HKDC1: variants seen among roughly 807,000 people sequenced by gnomAD.
HKDC1 encodes hexokinase domain containing 1.
In HKDC1, 66 loss-of-function variants were observed where a neutral mutation model predicts 96.6. That is an observed-to-expected ratio of 0.68 (90% CI 0.56 to 0.84). The LOEUF (loss-of-function observed/expected upper bound fraction) is 0.84, where lower values mean the gene tolerates loss of function less well. HKDC1 is among the 40% of genes least tolerant of loss of function. HKDC1 has a pLI of 0.00. For missense variants in HKDC1, 1,211 were observed against 1,208.1 expected, an observed-to-expected ratio of 1.00 and a Z score of -0.04; for synonymous variants, 466 against 473.1, an observed-to-expected ratio of 0.98 and a Z score of 0.20.
At chr10:69,223,463 T>C (rs1395819683) in intron 1 of HKDC1, among the ~76,000 whole-genome samples, 1 of 152,172 alleles carries the variant, frequency 6.6e-6, no homozygotes, top group East Asian at 1.9e-4. Flanking sequence ...ATCATTACAA[T>C]GTCTTCTTAA....
intron 2 of HKDC1, among the ~76,000 whole-genome samples, chr10:69,230,226 G>A (rs1270368278): frequency 3.9e-5 from 6 of 152,220 alleles, no homozygotes; most frequent in Admixed American, 1.3e-4. Context: ...CATGGAAGGG[G>A]CATGGGAAGC....
Position 69,250,300 on chromosome 10 carries a change from G to T in HKDC1, c.1581G>T (p.Lys527Asn), listed in dbSNP as rs780073962. ...CGLPDGTEKG[K>N]FLALDLGGTN... ...CTTTCTCCATCACAGAGAAAGGAAA[G>T]TTTCTCGCCCTGGATCTTGGGGGAA... The change falls in exon 11 of 18, where the codon AAG becomes AAT. Residue 527 changes from lysine to asparagine, a missense_variant. By Grantham distance (94) the Lys-to-Asn change is moderately conservative (BLOSUM62 0). Coordinates refer to ENST00000354624, the MANE Select transcript of HKDC1 (RefSeq NM_025130.4). The T allele has an allele frequency of 3.1e-6, 5 of 1,613,198 alleles. No homozygotes were observed. The Admixed American group carries it at 6.7e-5, about 22-fold the overall frequency.
In HKDC1 at chr10:69,248,632, C is replaced by T. The variant is rs377028089; in HGVS notation, c.1474C>T (p.Arg492Trp). 3.5e-5 allele frequency: 57 copies of T among 1,614,068 alleles called. No homozygotes were observed. The highest frequency in any genetic ancestry group is 4.2e-5 in the Non-Finnish European group (49 of 1,180,002). ...EQLVDVQAKM[R>W]AELEYGLKKK... ...GCTCGTGGACGTGCAGGCCAAGATG[C>T]GGGCTGAGCTGGAGTATGGGCTGAA... Residue 492 changes from arginine (R) to tryptophan (W), a missense_variant, in exon 10 of 18, where the codon CGG becomes TGG. By Grantham distance (101) the Arg-to-Trp change is moderately radical. Coordinates refer to ENST00000354624, the MANE Select transcript of HKDC1 (RefSeq NM_025130.4).
At chr10:69,250,736 C>G in intron 12 of HKDC1, 84 bp downstream of exon 12, 1 of 1,494,282 alleles carries the variant, frequency 6.7e-7, no homozygotes, top group Non-Finnish European at 9.1e-7. Context: ...TCCCAGCCTG[C>G]CTTCATTTTT....
chr10:69,260,939 A>T (rs1188528723), intron 15 of HKDC1, among the ~76,000 whole-genome samples, 200 bp from the exon 16 acceptor site: 4 of 152,110 alleles, frequency 2.6e-5, no homozygotes, highest in African/African-American at 9.7e-5. Flanking sequence ...CTTGCCTCCT[A>T]ACAGTCTTGT....
intron 1 of HKDC1, among the ~76,000 whole-genome samples, chr10:69,226,744 A>G (rs1457065747): frequency 6.6e-6 from 1 of 152,188 alleles, no homozygotes; most frequent in East Asian, 1.9e-4. Flanking sequence ...GCAGCCAGTA[A>G]ACAAAGAGAA....
chr10:69,232,022 A>G (rs1286232881), intron 2 of HKDC1, among the ~76,000 whole-genome samples: 1 of 152,170 alleles, frequency 6.6e-6, no homozygotes, highest in East Asian at 1.9e-4. Context: ...TCTACAGACC[A>G]GCAACAGCAG....
intron 8 of HKDC1, 35 bp downstream of exon 8, chr10:69,246,269 G>C: frequency 6.2e-7 from 1 of 1,607,304 alleles, no homozygotes; most frequent in Non-Finnish European, 8.5e-7. Flanking sequence ...TCTGTGGAGG[G>C]CTGGGATGGG....
At chr10:69,240,549 ATG>A (rs1843439098) in intron 5 of HKDC1, 101 bp from the exon 6 acceptor site, 1 of 859,654 alleles carries the variant, frequency 1.2e-6, no homozygotes, top group African/African-American at 1.7e-5. Flanking sequence ...GGATCTAGGG[ATG>A]TCTCAGCAGC....
At chr10:69,265,536 C>T (rs1163799649) in intron 16 of HKDC1, 49 bp from the exon 17 acceptor site, 2 of 1,544,184 alleles carry the variant, frequency 1.3e-6, no homozygotes, top group South Asian at 1.1e-5. Flanking sequence ...CTGGGCACAT[C>T]CCGGGGTCCT....
At chr10:69,251,643 C>A (rs1367117174) in intron 12 of HKDC1, among the ~76,000 whole-genome samples, 4 of 152,058 alleles carry the variant, frequency 2.6e-5, no homozygotes, top group Non-Finnish European at 4.4e-5. Context: ...TAATTTAGGT[C>A]TTCTTTATTT....
At chr10:69,233,768 G>A (rs1273091734) in intron 4 of HKDC1, among the ~76,000 whole-genome samples, 1 of 151,966 alleles carries the variant, frequency 6.6e-6, no homozygotes, top group East Asian at 1.9e-4. Flanking sequence ...TGTGGTGCCG[G>A]GCGCCTGTAG....
chr10:69,243,229 C>G lies in HKDC1; in HGVS notation c.739C>G (p.Leu247Val), dbSNP rs750665250. 5.6e-6 allele frequency: 9 copies of G among 1,614,082 alleles called. No homozygotes were observed. The South Asian group carries it at 9.9e-5, about 18-fold the overall frequency. ...CATGGAGGACATGAGCAACATTGAC[C>G]TGGTGGAGGGCGACGAGGGCAGGAT... ...CYMEDMSNID[L>V]VEGDEGRMCI... Residue 247 changes from leucine (L) to valine (V), a missense_variant, in exon 7 of 18, where the codon CTG becomes GTG. Coordinates refer to ENST00000354624, the MANE Select transcript of HKDC1 (RefSeq NM_025130.4).
At chr10:69,261,408 G>A in intron 16 of HKDC1, 114 bp downstream of exon 16, 1 of 954,382 alleles carries the variant, frequency 1.0e-6, no homozygotes, top group Non-Finnish European at 1.6e-6. Context: ...GGCTGGGTAA[G>A]GGATTGCCTC....
At chr10:69,235,858 C>T (rs1020556160) in intron 4 of HKDC1, among the ~76,000 whole-genome samples, 3 of 152,210 alleles carry the variant, frequency 2.0e-5, no homozygotes, top group African/African-American at 7.2e-5. Flanking sequence ...CCGGTTTTGA[C>T]ACTGTACCTC....
chr10:69,263,232 G>A (rs1843837264), intron 16 of HKDC1, among the ~76,000 whole-genome samples: 1 of 151,972 alleles, frequency 6.6e-6, no homozygotes, highest in Non-Finnish European at 1.5e-5. Context: ...TCAAGTAGCT[G>A]GGACTACAGG....
intron 17 of HKDC1, 128 bp from the exon 18 acceptor site, chr10:69,266,481 AG>A: frequency 2.3e-6 from 2 of 881,196 alleles, no homozygotes; most frequent in Non-Finnish European, 3.3e-6. Context: ...AAAAAAAATT[AG>A]AAGAAGCTGT....
intron 2 of HKDC1, among the ~76,000 whole-genome samples, chr10:69,228,229 G>A (rs1263045134): frequency 6.6e-6 from 1 of 152,102 alleles, no homozygotes; most frequent in East Asian, 1.9e-4. Flanking sequence ...TGTTCTCAAA[G>A]CCAGCAGTGT....
intron 10 of HKDC1, chr10:69,249,072 G>A (rs1676834407): frequency 4.9e-6 from 1 of 202,366 alleles, no homozygotes; most frequent in Non-Finnish European, 1.0e-5. Context: ...GCCTGGGCTT[G>A]TCTTCCTGCT....
Sources: gnomAD v4.1 joint callset for allele counts (sites outside exome capture counted in the v4.1 genomes callset) on GRCh38, gnomAD v4.1.1 for gene constraint, MANE v1.5 for transcripts, NCBI Gene and HGNC (gene_info 2026-07-23, HGNC 2026-07-21) for gene names.